Variants in MICAL1 observed in about 807,000 individuals in gnomAD.
MICAL1 encodes microtubule associated monooxygenase, calponin and LIM domain containing 1.
MICAL1 carries 95 observed loss-of-function variants against 131.8 expected under a neutral mutation model. That is an observed-to-expected ratio of 0.72 (90% CI 0.61 to 0.86). The LOEUF (loss-of-function observed/expected upper bound fraction) is 0.86, where lower values mean the gene tolerates loss of function less well. Ranked by LOEUF, MICAL1 falls within the 40% of genes least tolerant of loss-of-function variation. The pLI, the probability that MICAL1 is intolerant of heterozygous loss-of-function variation, is 0.00. For missense variants in MICAL1, 1,292 were observed against 1,380.6 expected, an observed-to-expected ratio of 0.94 and a Z score of 1.02; for synonymous variants, 546 against 554.2, an observed-to-expected ratio of 0.99 and a Z score of 0.21.
Position 109,449,955 on chromosome 6 carries a change from C to T in MICAL1, c.1307+15G>A, listed in dbSNP as rs767894791. ...TGTCCTGCCCTGCCCACATCCTCCT[C>T]AACTCAGGTCTTACCGCTCAGCCAA... On this transcript the variant is annotated intron_variant, in intron 9 of 24. Transcript: ENST00000358807. 3.7e-5 allele frequency: 60 copies of T among 1,612,780 alleles called. No homozygotes were observed. The Middle Eastern group carries it at 1.2e-3, about 31-fold the overall frequency.
chr6:109,459,682 G>A (rs1775840355), upstream of MICAL1, among the ~76,000 whole-genome samples: 1 of 152,190 alleles, frequency 6.6e-6, no homozygotes, highest in African/African-American at 2.4e-5. Context: ...TTGAGAGGCT[G>A]CAAAGATTAA....
At position 109,446,245 on chromosome 6, in the gene MICAL1, G is replaced by C; in HGVS notation, c.2472C>G (p.Asp824Glu). 1 of 1,609,588 alleles carries C rather than the reference G, an allele frequency of 6.2e-7. No individual in the cohort carries two copies. The highest frequency in any genetic ancestry group is 1.1e-5 in the South Asian group (1 of 90,684). Residue 824 changes from aspartate to glutamate, a missense_variant, in exon 19 of 25, where the codon GAC becomes GAG. By Grantham distance (45) the Asp-to-Glu change is conservative. Coordinates refer to ENST00000358807, the MANE Select transcript of MICAL1 (RefSeq NM_022765.4). ...GCTTGGGTGGAGGCTCCATTTCCGG[G>C]TCAGGGGTAAGGTTAAGGGAGGACA... ...QRLSSLNLTP[D>E]PEMEPPPKPP... is the part of the protein sequence containing the mutation.
chr6:109,465,643 A>T, intron 1 of MICAL1: 1 of 1,551,046 alleles, frequency 6.4e-7, no homozygotes, highest in Non-Finnish European at 8.7e-7. Flanking sequence ...TAATATTGAA[A>T]TGCTCAATAC....
Position 109,455,383 on chromosome 6 carries a change from G to T in MICAL1, c.-44+336C>A, listed in dbSNP as rs1204071508. Reference sequence around the variant, plus strand: ...CGGAATCTCATGACGGAAGGGCAAAGATCTTTCTTGGGGGTGGAGGGTGGA... The same window carrying T: ...CGGAATCTCATGACGGAAGGGCAAATATCTTTCTTGGGGGTGGAGGGTGGA... On this transcript the variant is annotated intron_variant, in intron 1 of 24. Coordinates refer to ENST00000358807, the MANE Select transcript of MICAL1 (RefSeq NM_022765.4). The surrounding 1 kb of genome is among the most constrained non-coding windows in gnomAD (Gnocchi z 4.7). Among the ~76,000 whole-genome samples the T allele has an allele frequency of 6.6e-6, 1 of 152,196 alleles. No individual in the cohort carries two copies. Among genetic ancestry groups the T allele is most frequent in the African/African-American group, 2.4e-5 (1 of 41,464 alleles).
intron 24 of MICAL1, 103 bp downstream of exon 24, chr6:109,444,622 G>A (rs368335629): frequency 6.5e-6 from 9 of 1,383,196 alleles, no homozygotes; most frequent in South Asian, 2.3e-5. Context: ...TGTCTCAGAG[G>A]TACACAGACT....
intron 5 of MICAL1, 30 bp downstream of exon 5, chr6:109,452,481 C>A: frequency 6.2e-7 from 1 of 1,612,022 alleles, no homozygotes; most frequent in Non-Finnish European, 8.5e-7. Context: ...GCCAGAGATG[C>A]TGGCTTCTTT....
rs746088815 is a variant in MICAL1 at position 109,453,671 on chromosome 6, C to T, written c.433G>A (p.Gly145Arg). ...LRALGAKKFY[G>R]RFCTGTLDHI... The stretch of plus-strand genomic sequence containing the variant: ...TCCAGGGTGCCGGTGCAGAAGCGCC[C>T]GTAGAACTTCTTAGCACCGAGTGCC... The change falls in exon 3 of 25, where the codon GGG becomes AGG. Residue 145 changes from glycine (G) to arginine (R), a missense_variant. Transcript: ENST00000358807. The T allele has an allele frequency of 1.8e-5, 29 of 1,612,880 alleles. No individual in the cohort carries two copies. Among genetic ancestry groups the T allele is most frequent in the East Asian group, 6.7e-5 (3 of 44,832 alleles).
upstream of MICAL1, among the ~76,000 whole-genome samples, chr6:109,457,383 A>G (rs1378213138): frequency 1.3e-5 from 2 of 150,934 alleles, no homozygotes; most frequent in Non-Finnish European, 3.0e-5. Flanking sequence ...CAGCTGGGTT[A>G]CCCTGGGCTC....
upstream of MICAL1, among the ~76,000 whole-genome samples, chr6:109,460,271 G>A (rs546126867): frequency 9.2e-5 from 14 of 151,728 alleles, no homozygotes; most frequent in South Asian, 2.9e-3. Context: ...CCTGGGTAAC[G>A]TAGTGAGACC....
intron 6 of MICAL1, 191 bp downstream of exon 6, chr6:109,452,055 A>G (rs180786128): frequency 5.0e-4 from 708 of 1,412,704 alleles, no homozygotes; most frequent in Non-Finnish European, 5.9e-4. Flanking sequence ...AGGACTTTTC[A>G]TGCTGGGTGA....
Position 109,452,304 on chromosome 6 carries a change from G to A in MICAL1, c.774C>T (p.Ile258=), listed in dbSNP as rs770370119. The change falls in exon 6 of 25, where the codon ATC becomes ATT. Residue 258 remains isoleucine, a synonymous_variant. Transcript: ENST00000358807. ...GGTTGTAGATCCTGGCTACACCACTGATCTCCGGCACCTGTGTCTCCTCCA... is the reference window on the plus strand; with the variant it reads ...GGTTGTAGATCCTGGCTACACCACTAATCTCCGGCACCTGTGTCTCCTCCA... The part of the protein sequence containing the change: ...RTVEETQVPE[I]SGVARIYNQS... 20 of 1,614,058 alleles carry A rather than the reference G, an allele frequency of 1.2e-5. No homozygotes were observed. The highest frequency in any genetic ancestry group is 1.6e-5 in the Non-Finnish European group (19 of 1,180,032).
chr6:109,444,860 G>A (rs1775136177), intron 23 of MICAL1, 36 bp downstream of exon 23: 1 of 1,613,558 alleles, frequency 6.2e-7, no homozygotes, highest in Admixed American at 1.7e-5. Flanking sequence ...CTGGAGCCTG[G>A]CCCATGGGCC....
At chr6:109,446,101 C>T (rs1775202195) in intron 19 of MICAL1, 35 bp downstream of exon 19, 1 of 1,525,112 alleles carries the variant, frequency 6.6e-7, no homozygotes, top group Admixed American at 2.2e-5. Flanking sequence ...CACCCTGTCC[C>T]ACCCTGGGTC....
In MICAL1 at chr6:109,453,625, A is replaced by ACG. The variant is rs1775625990; in HGVS notation, c.466+11_466+12dup. The ACG allele has an allele frequency of 6.3e-7, 1 of 1,582,072 alleles. No homozygotes were observed. Among genetic ancestry groups the ACG allele is most frequent in the African/African-American group, 1.3e-5 (1 of 74,196 alleles). On this transcript the variant is annotated intron_variant, in intron 3 of 24. Coordinates refer to ENST00000358807, the MANE Select transcript of MICAL1 (RefSeq NM_022765.4). ...AGCTCACCCGCCCCTCCAGGCCACCACGTGGTGCTCACTGATGTGGTCCAG... is the reference window on the plus strand; with the variant it reads ...AGCTCACCCGCCCCTCCAGGCCACCACGCGTGGTGCTCACTGATGTGGTCCAG...
At chr6:109,449,285 T>C (rs1268462768) in intron 11 of MICAL1, 115 bp downstream of exon 11, 3 of 1,152,436 alleles carry the variant, frequency 2.6e-6, no homozygotes, top group South Asian at 2.5e-5. Context: ...CAGCCAACAA[T>C]GAGTGCTCCG....
chr6:109,449,521 C>T lies in MICAL1; in HGVS notation c.1435-40G>A, dbSNP rs755917153. The T allele has an allele frequency of 4.3e-6, 7 of 1,613,042 alleles. No individual in the cohort carries two copies. In the African/African-American group the frequency reaches 5.3e-5, roughly 12 times the overall value. ...CTCAGGTCTCAAGGCAGGCTGGCCA[C>T]ACAGCCCCTGAGTCCAGGGGTAAGG... On this transcript the variant is annotated intron_variant, in intron 10 of 24. Transcript: ENST00000358807.
At chr6:109,449,936 G>A (rs1413857430) in intron 9 of MICAL1, 34 bp downstream of exon 9, 4 of 1,608,618 alleles carry the variant, frequency 2.5e-6, no homozygotes, top group Non-Finnish European at 3.4e-6. Context: ...CACATGTCCT[G>A]CCCTGCCCAC....
upstream of MICAL1, among the ~76,000 whole-genome samples, chr6:109,458,700 C>T (rs1221937968): frequency 1.3e-5 from 2 of 152,216 alleles, no homozygotes; most frequent in African/African-American, 4.8e-5. Context: ...CCTCCTTCCT[C>T]TGCCCCATAC....
rs893314688 is a variant in MICAL1 at position 109,446,680 on chromosome 6, C to G, written c.2304+16G>C. 1.9e-6 allele frequency: 3 copies of G among 1,611,830 alleles called. No individual in the cohort carries two copies. Among genetic ancestry groups the G allele is most frequent in the Non-Finnish European group, 2.5e-6 (3 of 1,178,580 alleles). ...CTTCCCATGCCCCAATATACATACA[C>G]GCCTTCAGTCTTTACCGGACTCTCA... On this transcript the variant is annotated intron_variant, in intron 18 of 24. Coordinates refer to ENST00000358807, the MANE Select transcript of MICAL1 (RefSeq NM_022765.4).
Sources: allele counts gnomAD v4.1 joint callset (sites outside exome capture counted in the v4.1 genomes callset), GRCh38; gene constraint gnomAD v4.1.1; non-coding constraint Gnocchi (gnomAD v3.1); transcripts MANE v1.5; gene names NCBI Gene and HGNC (gene_info 2026-07-23, HGNC 2026-07-21).